Variants in RAD51B observed in about 807,000 individuals in gnomAD.
The protein encoded by RAD51B is DNA repair protein RAD51 homolog 2.
Under a neutral mutation model 42.2 loss-of-function variants are expected in RAD51B, and 38 were observed. The ratio of observed to expected loss-of-function variants is 0.90; its 90% CI spans 0.70 to 1.18. RAD51B has a LOEUF of 1.18. RAD51B is among the 50% of genes most tolerant of loss of function. The probability of loss-of-function intolerance (pLI) is 0.00; values close to 1 mark genes in which losing one functional copy is unlikely to be tolerated. For missense variants in RAD51B, 373 were observed against 400.7 expected (o/e 0.93, Z 0.59); for synonymous variants, 154 against 145.2 (o/e 1.06, Z -0.43).
At chr14:67,860,794 T>C (rs1312497646) in intron 4 of RAD51B, among the ~76,000 whole-genome samples, 2 of 152,236 alleles carry the variant, frequency 1.3e-5, no homozygotes, top group African/African-American at 2.4e-5. Flanking sequence ...TCTTTCAACT[T>C]TTCTGTTGCA....
At chr14:68,387,000 A>G (rs1458540473) in intron 8 of RAD51B, 1 of 152,228 alleles carries the variant, frequency 6.6e-6, no homozygotes, top group Non-Finnish European at 1.5e-5. Flanking sequence ...CTGAAATACC[A>G]AACTTATTTA....
At chr14:68,236,803 C>T (rs1435926838) in intron 7 of RAD51B, among the ~76,000 whole-genome samples, 3 of 152,162 alleles carry the variant, frequency 2.0e-5, no homozygotes, top group Admixed American at 6.5e-5. Flanking sequence ...AACATGTACT[C>T]CTGCTCAGCT....
intron 7 of RAD51B, among the ~76,000 whole-genome samples, chr14:68,130,674 C>G (rs1008901102): frequency 1.3e-5 from 2 of 152,206 alleles, no homozygotes; most frequent in African/African-American, 4.8e-5. Flanking sequence ...CTTGAGATCT[C>G]TGAGCATTAT....
intron 3 of RAD51B, 128 bp from the exon 4 acceptor site, chr14:67,834,952 C>A: frequency 1.5e-6 from 1 of 671,746 alleles, no homozygotes; most frequent in Middle Eastern, 3.7e-4. Flanking sequence ...ATTTGTTGAA[C>A]AAATAAATAA....
chr14:68,320,338 C>A (rs184729387), intron 8 of RAD51B, among the ~76,000 whole-genome samples: 147 of 152,246 alleles, frequency 9.7e-4, no homozygotes, highest in African/African-American at 3.4e-3. Context: ...GAAAGAAAGC[C>A]CTGAAACTTT....
At chr14:68,300,094 G>A (rs9944146) in intron 8 of RAD51B, among the ~76,000 whole-genome samples, 17,641 of 152,104 alleles carry the variant, frequency 0.12, 1,234 homozygotes, top group African/African-American at 0.2. Flanking sequence ...TTTGAAGGGA[G>A]GTAAATACCC....
At chr14:68,514,338 A>G (rs1885973979) in intron 10 of RAD51B, among the ~76,000 whole-genome samples, 1 of 152,160 alleles carries the variant, frequency 6.6e-6, no homozygotes, top group South Asian at 2.1e-4. Flanking sequence ...GTGGCCCAAT[A>G]ATGCAGTCTG....
At chr14:68,564,364 T>C (rs1889313969) in intron 10 of RAD51B, among the ~76,000 whole-genome samples, 1 of 152,216 alleles carries the variant, frequency 6.6e-6, no homozygotes, top group Admixed American at 6.5e-5. Flanking sequence ...GGAGAGGTCA[T>C]GCCGCACAGG....
At chr14:68,109,019 G>A (rs1385684107) in intron 7 of RAD51B, among the ~76,000 whole-genome samples, 2 of 151,762 alleles carry the variant, frequency 1.3e-5, no homozygotes, top group Admixed American at 6.6e-5. Context: ...CTGATACAGA[G>A]CAATATGATA....
chr14:68,330,079 C>T (rs2082319546), intron 8 of RAD51B, among the ~76,000 whole-genome samples: 3 of 151,882 alleles, frequency 2.0e-5, no homozygotes, highest in Non-Finnish European at 2.9e-5. Flanking sequence ...TGATGCTAGG[C>T]TACGTTAACA....
intron 7 of RAD51B, among the ~76,000 whole-genome samples, chr14:68,257,616 G>A (rs914676338): frequency 6.6e-6 from 1 of 152,132 alleles, no homozygotes; most frequent in Non-Finnish European, 1.5e-5. Context: ...TATATATGGA[G>A]CAAGATGAGA....
In RAD51B at chr14:68,569,717, G is replaced by A. The variant is rs1424207337; in HGVS notation, c.1037-24768G>A. 2.0e-5 allele frequency among the ~76,000 whole-genome samples: 3 copies of A among 152,178 alleles called. No individual in the cohort carries two copies. The South Asian group carries it at 6.2e-4, about 32-fold the overall frequency. Reference sequence around the variant, plus strand: ...GGGAATGCCCCTCTAAAAGGGCCAGGCTAGGAGCCGACAGCACCACGGGCT... The same window carrying A: ...GGGAATGCCCCTCTAAAAGGGCCAGACTAGGAGCCGACAGCACCACGGGCT... On this transcript the variant is annotated intron_variant, in intron 10 of 10. Coordinates refer to the RAD51B transcript ENST00000487270.
At chr14:68,082,958 T>C (rs979394310) in intron 7 of RAD51B, among the ~76,000 whole-genome samples, 12 of 152,160 alleles carry the variant, frequency 7.9e-5, no homozygotes, top group Non-Finnish European at 1.5e-4. Context: ...CCCAGGACAC[T>C]CTCCTAAGGT....
intron 7 of RAD51B, among the ~76,000 whole-genome samples, chr14:67,991,189 G>T (rs2075291068): frequency 6.6e-6 from 1 of 152,166 alleles, no homozygotes; most frequent in Non-Finnish European, 1.5e-5. Context: ...CAGGCAGGAA[G>T]ATGGAGGAGA....
chr14:68,397,581 C>T (rs912769111), intron 8 of RAD51B, among the ~76,000 whole-genome samples: 22 of 152,204 alleles, frequency 1.4e-4, no homozygotes, highest in African/African-American at 4.8e-4. Flanking sequence ...TTGTGAGCTG[C>T]GAATTCCTGT....
intron 7 of RAD51B, among the ~76,000 whole-genome samples, chr14:68,056,102 A>G (rs1018212781): frequency 6.6e-6 from 1 of 152,172 alleles, no homozygotes; most frequent in African/African-American, 2.4e-5. Flanking sequence ...ACTAGAGCTT[A>G]CTTACTATAT....
At chr14:68,627,530 G>A (rs889396131) in intron 10 of RAD51B, among the ~76,000 whole-genome samples, 2 of 152,158 alleles carry the variant, frequency 1.3e-5, no homozygotes, top group East Asian at 3.8e-4. Flanking sequence ...CAGGAGCCGC[G>A]TTTGGAAGGC....
intron 10 of RAD51B, among the ~76,000 whole-genome samples, chr14:68,603,736 T>C (rs1891318409): frequency 6.6e-6 from 1 of 152,334 alleles, no homozygotes; most frequent in South Asian, 2.1e-4. Context: ...ATTACTGCTG[T>C]TGTCAAGCTG....
intron 8 of RAD51B, among the ~76,000 whole-genome samples, chr14:68,374,464 T>C (rs954480522): frequency 5.3e-5 from 8 of 152,172 alleles, no homozygotes; most frequent in African/African-American, 1.9e-4. Context: ...ACCTAGGTGA[T>C]AGACTTCCTT....
Sources: allele counts gnomAD v4.1 joint callset (sites outside exome capture counted in the v4.1 genomes callset), GRCh38; gene constraint gnomAD v4.1.1; transcripts MANE v1.5; gene names NCBI Gene and HGNC (gene_info 2026-07-23, HGNC 2026-07-21).